CACNA1G: variants seen among roughly 807,000 people sequenced by gnomAD.
The protein encoded by CACNA1G is voltage-dependent T-type calcium channel subunit alpha-1G.
Under a neutral mutation model 219.4 loss-of-function variants are expected in CACNA1G, and 67 were observed. The observed-to-expected ratio is 0.31, with a 90% confidence interval of 0.25 to 0.37. The LOEUF is 0.37. CACNA1G is among the 10% of genes least tolerant of loss of function. The probability of loss-of-function intolerance (pLI) is 1.00; values close to 1 mark genes in which losing one functional copy is unlikely to be tolerated. For synonymous variants in CACNA1G, 1,296 were observed against 1,345.3 expected (o/e 0.96, Z 0.80); for missense variants, 2,380 against 3,231.4 (o/e 0.74, Z 6.39).
Position 50,615,400 on chromosome 17 carries a change from T to G in CACNA1G, c.4799T>G (p.Phe1600Cys). Residue 1600 changes from phenylalanine to cysteine, a missense_variant, in exon 27 of 38, where the codon TTC becomes TGC. Transcript: ENST00000359106. The stretch of plus-strand genomic sequence containing the variant: ...CCTTACTACTCCGACTACTCCCGCT[T>G]CCGGCTCCTCGTCCACCACTTGTGC... ...CKPYYSDYSR[F>C]RLLVHHLCTS... The G allele has an allele frequency of 6.2e-7, 1 of 1,612,678 alleles. No individual in the cohort carries two copies. The highest frequency in any genetic ancestry group is 8.5e-7 in the Non-Finnish European group (1 of 1,178,878).
chr17:50,613,411 C>T (rs1448913657), intron 26 of CACNA1G, among the ~76,000 whole-genome samples: 2 of 152,162 alleles, frequency 1.3e-5, no homozygotes, highest in Non-Finnish European at 2.9e-5. Flanking sequence ...CTCAGTCCTC[C>T]TGCCCCGCCT....
Position 50,621,833 on chromosome 17 carries a change from G to C in CACNA1G, c.6060+39G>C. On this transcript the variant is annotated intron_variant, in intron 35 of 37. Transcript: ENST00000359106. The surrounding 1 kb of genome is among the most constrained non-coding windows in gnomAD (Gnocchi z 4.6). ...GCCCTCACTGCTCCCGGCCACCCCC[G>C]GGGCTGGACTGGCTGCAGGGCTCCA... 6.2e-7 allele frequency: 1 copy of C among 1,608,790 alleles called. No individual in the cohort carries two copies. The highest frequency in any genetic ancestry group is 2.2e-5 in the East Asian group (1 of 44,778).
chr17:50,626,259 C>A lies in CACNA1G; in HGVS notation c.6642C>A (p.Ser2214Arg). 1 of 1,613,772 alleles carries A rather than the reference C, an allele frequency of 6.2e-7. No homozygotes were observed. The part of the protein sequence containing the change: ...WGKGPPETRS[S>R]LELDTELSWI... ...AGGGCCCTCCAGAGACCAGAAGCAG[C>A]TTAGAGTTGGACACGGAGCTGAGCT... The change falls in exon 38 of 38, where the codon AGC becomes AGA. Residue 2214 changes from serine (S) to arginine (R), a missense_variant. Ser to Arg is a moderately radical substitution (Grantham distance 110). Coordinates refer to ENST00000359106, the MANE Select transcript of CACNA1G (RefSeq NM_018896.5). This position sits in a 1 kb window ranked among gnomAD's most constrained non-coding sequence, Gnocchi z 4.3.
rs2050865348 is a variant in CACNA1G, at chr17:50,617,649, G to A, written c.5155+78G>A. ...GAGAGCAAGGGTCGGCTTTGTGGCT[G>A]GTCAAGGCCTGGGCGGCTGTGGGTT... On this transcript the variant is annotated intron_variant, in intron 29 of 37. Transcript: ENST00000359106. This position sits in a 1 kb window ranked among gnomAD's most constrained non-coding sequence, Gnocchi z 5.8. The A allele has an allele frequency of 1.9e-6, 3 of 1,553,304 alleles. No homozygotes were observed. The highest frequency in any genetic ancestry group is 2.6e-6 in the Non-Finnish European group (3 of 1,142,352).
chr17:50,615,129 A>G (rs982011593), intron 26 of CACNA1G, among the ~76,000 whole-genome samples: 1 of 152,070 alleles, frequency 6.6e-6, no homozygotes, highest in African/African-American at 2.4e-5. Flanking sequence ...GGGGCTCTGC[A>G]TGTCCTGATC....
chr17:50,616,465 C>T, intron 28 of CACNA1G, 81 bp downstream of exon 28: 1 of 852,340 alleles, frequency 1.2e-6, no homozygotes, highest in Non-Finnish European at 1.9e-6. Flanking sequence ...CCAGGAAGAC[C>T]TAGTGTCTAA....
At chr17:50,597,522 T>C (rs1236606879) in intron 16 of CACNA1G, among the ~76,000 whole-genome samples, 1 of 152,224 alleles carries the variant, frequency 6.6e-6, no homozygotes, top group East Asian at 1.9e-4. Flanking sequence ...AAATACTAAT[T>C]GTGTATATTT....
chr17:50,561,260 TGCGCCCCG>T lies in CACNA1G; in HGVS notation c.-191_-184del. ...GGACTCGCGCCGGGCGGGGTTTCCCTGCGCCCCGGCGCCCCGCGGGCAGCATGCCCCTG... is the reference window on the plus strand; with the variant it reads ...GGACTCGCGCCGGGCGGGGTTTCCCTGCGCCCCGCGGGCAGCATGCCCCTG... On this transcript the variant is annotated 5_prime_UTR_variant, in exon 1 of 38. Transcript: ENST00000359106. 1.7e-6 allele frequency: 1 copy of T among 580,288 alleles called. No individual in the cohort carries two copies. Among genetic ancestry groups the T allele is most frequent in the Non-Finnish European group, 2.9e-6 (1 of 342,270 alleles). 35.9% of individuals were successfully genotyped at this position (580,288 alleles called of 1,614,324 possible). A position where few individuals can be genotyped will look rare whatever the true frequency, so the allele number is the denominator to read the frequency against.
intron 16 of CACNA1G, among the ~76,000 whole-genome samples, chr17:50,597,386 G>T (rs921314345): frequency 2.0e-5 from 3 of 152,212 alleles, no homozygotes; most frequent in Non-Finnish European, 4.4e-5. Flanking sequence ...TACAGAGGGG[G>T]CCTGAGCCTC....
chr17:50,588,962 G>T (rs142726917), intron 9 of CACNA1G, among the ~76,000 whole-genome samples: 58 of 152,376 alleles, frequency 3.8e-4, no homozygotes, highest in Non-Finnish European at 7.8e-4. Context: ...CTGGCTGCAG[G>T]CTTGGTTGGG....
chr17:50,568,996 G>GTA lies in CACNA1G; in HGVS notation c.354+16_354+17insAT. ...GGATCCTGCAGGTGAGTGTGTGTGTGTGTGTGTGTGTGTGTGTGTTGTGTG... is the reference window on the plus strand; with the variant it reads ...GGATCCTGCAGGTGAGTGTGTGTGTGTATGTGTGTGTGTGTGTGTGTTGTGTG... On this transcript the variant is annotated intron_variant, in intron 2 of 37. Coordinates refer to ENST00000359106, the MANE Select transcript of CACNA1G (RefSeq NM_018896.5). 6.7e-7 allele frequency: 1 copy of GTA among 1,488,048 alleles called. No homozygotes were observed. The highest frequency in any genetic ancestry group is 2.5e-5 in the East Asian group (1 of 39,556). The allele number at this position is 1,488,048 out of a possible 1,614,324, so 92.2% of individuals were successfully genotyped here.
chr17:50,561,140 G>A lies in CACNA1G; in HGVS notation c.-320G>A, dbSNP rs757285743. ...TTCGCCGAAGGTAGCGCCGAATCCG[G>A]CAACCGGAGCCTGGGCGCGAAGCGA... On this transcript the variant is annotated 5_prime_UTR_variant, in exon 1 of 38. Coordinates refer to ENST00000359106, the MANE Select transcript of CACNA1G (RefSeq NM_018896.5). 1.9e-6 allele frequency: 1 copy of A among 515,864 alleles called. No individual in the cohort carries two copies. The highest frequency in any genetic ancestry group is 3.6e-6 in the Non-Finnish European group (1 of 275,580). 32.0% of individuals were successfully genotyped at this position (515,864 alleles called of 1,614,324 possible).
At position 50,575,819 on chromosome 17, in the gene CACNA1G, G is replaced by A; in HGVS notation, c.1417G>A (p.Gly473Ser). Residue 473 changes from glycine (G) to serine (S), a missense_variant, in exon 8 of 38, where the codon GGC becomes AGC. Around this residue, in one of 17 missense-constraint regions of CACNA1G, gnomAD observed 434 missense variants for 417.3 expected, o/e 1.04. Transcript: ENST00000359106. ...GCTCAGCAGCCCAGCACCCCTCGGG[G>A]GCCAGGAGACCCAGCCCAGCAGCAG... The part of the protein sequence containing the change: ...GLLSSPAPLG[G>S]QETQPSSSCS... 4 of 1,551,004 alleles carry A rather than the reference G, an allele frequency of 2.6e-6. No individual in the cohort carries two copies. The highest frequency in any genetic ancestry group is 3.5e-6 in the Non-Finnish European group (4 of 1,147,464).
chr17:50,625,066 C>A (rs1428125582), intron 37 of CACNA1G, among the ~76,000 whole-genome samples: 1 of 150,924 alleles, frequency 6.6e-6, no homozygotes. Flanking sequence ...GATTCTCCTG[C>A]ATCAGCCTCC....
chr17:50,600,020 C>T lies in CACNA1G; in HGVS notation c.3690+161C>T, dbSNP rs769280378. Among the ~76,000 whole-genome samples, 2 of 152,216 alleles carry T rather than the reference C, an allele frequency of 1.3e-5. No homozygotes were observed. The highest frequency in any genetic ancestry group is 2.9e-5 in the Non-Finnish European group (2 of 68,036). ...AAACAATCCCTTTTCTCCCTCTGCC[C>T]GCCTTGCCAAGCCCCAGATCCTTGT... is the stretch of plus-strand genomic sequence containing the variant. On this transcript the variant is annotated intron_variant, in intron 17 of 37. Coordinates refer to ENST00000359106, the MANE Select transcript of CACNA1G (RefSeq NM_018896.5). This position sits in a 1 kb window ranked among gnomAD's most constrained non-coding sequence, Gnocchi z 4.1.
intron 14 of CACNA1G, 92 bp downstream of exon 14, chr17:50,595,153 T>C: frequency 1.1e-6 from 1 of 933,052 alleles, no homozygotes. Context: ...GTGTTCACGC[T>C]CCGCTGCTGT....
chr17:50,579,074 G>T (rs2041344510), intron 9 of CACNA1G, among the ~76,000 whole-genome samples: 1 of 152,144 alleles, frequency 6.6e-6, no homozygotes, highest in South Asian at 2.1e-4. Flanking sequence ...GTCAGGGAGG[G>T]AGGCAATCTT....
chr17:50,576,639 C>T (rs543652624), intron 8 of CACNA1G, among the ~76,000 whole-genome samples: 7 of 152,318 alleles, frequency 4.6e-5, no homozygotes, highest in South Asian at 4.1e-4. Flanking sequence ...ACATGCTTTG[C>T]GGGCAAAATT....
At chr17:50,586,486 A>G (rs1358728867) in intron 9 of CACNA1G, among the ~76,000 whole-genome samples, 2 of 151,940 alleles carry the variant, frequency 1.3e-5, no homozygotes, top group East Asian at 3.9e-4. Context: ...TGGCCCACTG[A>G]CCTCAGCCGG....
Sources: gnomAD v4.1 joint callset for allele counts (sites outside exome capture counted in the v4.1 genomes callset) on GRCh38, gnomAD v4.1.1 for gene constraint, gnomAD v4.1.1 regional missense constraint, Gnocchi (gnomAD v3.1) non-coding constraint, MANE v1.5 for transcripts, NCBI Gene and HGNC (gene_info 2026-07-23, HGNC 2026-07-21) for gene names.